COL16A1: variants seen among roughly 807,000 people sequenced by gnomAD.
COL16A1 encodes the protein collagen alpha-1(XVI) chain.
Under a neutral mutation model 266.3 loss-of-function variants are expected in COL16A1, and 189 were observed. The observed-to-expected ratio is 0.71, with a 90% CI of 0.63 to 0.80. The LOEUF (loss-of-function observed/expected upper bound fraction) is 0.80. Among genes scored for constraint, COL16A1 ranks in the 30% least tolerant of loss-of-function variants. COL16A1 has a pLI of 0.00. For synonymous variants in COL16A1, 740 were observed against 782.3 expected (o/e 0.95, Z 0.90); for missense variants, 1,928 against 2,122.4 (o/e 0.91, Z 1.80).
intron 44 of COL16A1, chr1:31,673,103 TG>T (rs1467575171): frequency 7.2e-5 from 39 of 539,526 alleles, no homozygotes. Flanking sequence ...GACAGGCATG[TG>T]GGTGGAGGCG....
In COL16A1 at chr1:31,670,914, G is replaced by T. The variant is rs1642622440; in HGVS notation, c.3151-268C>A. On this transcript the variant is annotated intron_variant, in intron 48 of 70. Coordinates refer to ENST00000373672, the MANE Select transcript of COL16A1 (RefSeq NM_001856.4). The surrounding 1 kb of genome is among the most constrained non-coding windows in gnomAD (Gnocchi z 4.5). Reference sequence around the variant, plus strand: ...CTGAGTCTTCCGGAGTCTAACTGAAGATCCGGTTGCAGCAGAAGCCCATTT... The same window carrying T: ...CTGAGTCTTCCGGAGTCTAACTGAATATCCGGTTGCAGCAGAAGCCCATTT... Among the ~76,000 whole-genome samples, 1 of 152,198 alleles carries T rather than the reference G, an allele frequency of 6.6e-6. No individual in the cohort carries two copies. The highest frequency in any genetic ancestry group is 2.1e-4 in the South Asian group (1 of 4,834).
intron 51 of COL16A1, 137 bp from the exon 52 acceptor site, chr1:31,667,765 C>A: frequency 1.1e-6 from 1 of 874,472 alleles, no homozygotes; most frequent in Non-Finnish European, 1.8e-6. Flanking sequence ...CTGGGTGCTC[C>A]AAAGCTGCCG....
intron 58 of COL16A1, among the ~76,000 whole-genome samples, chr1:31,661,976 A>G (rs1487170679): frequency 6.6e-6 from 1 of 152,054 alleles, no homozygotes. Flanking sequence ...TCCCCAGCAA[A>G]ACCCCAGGAG....
At chr1:31,679,301 C>T in intron 42 of COL16A1, 4 of 1,087,526 alleles carry the variant, frequency 3.7e-6, no homozygotes, top group Admixed American at 5.8e-5. Context: ...TGCAAAAACA[C>T]ATGTTGCATG....
chr1:31,692,149 T>G lies in COL16A1; in HGVS notation c.1195-82A>C. 5 of 1,593,904 alleles carry G rather than the reference T, an allele frequency of 3.1e-6. No homozygotes were observed. The South Asian group carries it at 3.3e-5, about 11-fold the overall frequency. On this transcript the variant is annotated intron_variant, in intron 16 of 70. Transcript: ENST00000373672. ...CAGCTCCATCTGGTGGAGGGACAAC[T>G]GCCTTCTAGACCCCTGGTCTCTGTC...
intron 59 of COL16A1, 54 bp downstream of exon 59, chr1:31,661,603 ACCC>A (rs1641671112): frequency 5.6e-6 from 9 of 1,612,016 alleles, no homozygotes; most frequent in Non-Finnish European, 5.9e-6. Context: ...TGTTGCAGCC[ACCC>A]AGGCAGAAGC....
chr1:31,692,213 TAGACAACAGACC>T, intron 16 of COL16A1, 146 bp from the exon 17 acceptor site: 1 of 1,315,398 alleles, frequency 7.6e-7, no homozygotes, highest in East Asian at 2.4e-5. Flanking sequence ...CACGGGAGGG[TAGACAACAGACC>T]AGACAACAGG....
intron 39 of COL16A1, among the ~76,000 whole-genome samples, chr1:31,680,493 C>A (rs765220251): frequency 6.6e-6 from 1 of 152,170 alleles, no homozygotes; most frequent in Admixed American, 6.5e-5. Flanking sequence ...GGCTTCCATG[C>A]CCTTCGCTCG....
chr1:31,662,124 C>T (rs1460342606), intron 58 of COL16A1, among the ~76,000 whole-genome samples: 1 of 152,218 alleles, frequency 6.6e-6, no homozygotes, highest in East Asian at 1.9e-4. Flanking sequence ...CTCGCCTAAC[C>T]TGCTTAAGGC....
chr1:31,693,223 C>A (rs760863722), intron 12 of COL16A1, 69 bp from the exon 13 acceptor site: 2 of 990,958 alleles, frequency 2.0e-6, no homozygotes, highest in Non-Finnish European at 1.6e-6. Flanking sequence ...AAGCTCTCCC[C>A]ACTTCTGGCC....
intron 11 of COL16A1, 37 bp downstream of exon 11, chr1:31,695,149 T>C: frequency 6.2e-7 from 1 of 1,611,900 alleles, no homozygotes; most frequent in Non-Finnish European, 8.5e-7. Context: ...CTCCCGGCTC[T>C]TGCCCGCTCC....
At position 31,685,027 on chromosome 1, in the gene COL16A1, T is replaced by C. The variant is rs1180963146; in HGVS notation, c.2017-171A>G. The stretch of plus-strand genomic sequence containing the variant: ...GAGCAAAGATTTGTGCCAGACTCTT[T>C]GCCTGGGTGACATGAGCAAATTAGC... On this transcript the variant is annotated intron_variant, in intron 29 of 70. Coordinates refer to ENST00000373672, the MANE Select transcript of COL16A1 (RefSeq NM_001856.4). This position sits in a 1 kb window ranked among gnomAD's most constrained non-coding sequence, Gnocchi z 4.0. Among the ~76,000 whole-genome samples the C allele has an allele frequency of 2.6e-5, 4 of 152,228 alleles. No individual in the cohort carries two copies. Among genetic ancestry groups the C allele is most frequent in the African/African-American group, 4.8e-5 (2 of 41,464 alleles).
Position 31,691,631 on chromosome 1 carries a change from T to C in COL16A1, c.1269A>G (p.Gly423=). 1 of 1,613,566 alleles carries C rather than the reference T, an allele frequency of 6.2e-7. No homozygotes were observed. Among genetic ancestry groups the C allele is most frequent in the African/African-American group, 1.3e-5 (1 of 75,004 alleles). Reference sequence around the variant, plus strand: ...CTTTGGGCCCAATGACACAGATCTCTCCTGGCCGGCCCTGTGGGGGGATAA... The same window carrying C: ...CTTTGGGCCCAATGACACAGATCTCCCCTGGCCGGCCCTGTGGGGGGATAA... ...PGKPGRDGRP[G]EICVIGPKGQ... The change falls in exon 18 of 71, where the codon GGA becomes GGG. Residue 423 remains glycine, a synonymous_variant. Transcript: ENST00000373672.
At chr1:31,682,318 T>C (rs1168325889) in intron 37 of COL16A1, among the ~76,000 whole-genome samples, 1 of 152,236 alleles carries the variant, frequency 6.6e-6, no homozygotes, top group East Asian at 1.9e-4. Context: ...CCAATTATAC[T>C]GGAAGTAGTT....
rs879791412 is a variant in COL16A1, at chr1:31,664,237, G to C, written c.3555+935C>G. On this transcript the variant is annotated intron_variant, in intron 56 of 70. Coordinates refer to ENST00000373672, the MANE Select transcript of COL16A1 (RefSeq NM_001856.4). The surrounding 1 kb of genome is among the most constrained non-coding windows in gnomAD (Gnocchi z 5.5). The stretch of plus-strand genomic sequence containing the variant: ...CCACTGTCCCAAGCATGGCTGATCA[G>C]CATGGGCTCTGGGGAGGTAGTGAGG... 4.6e-5 allele frequency among the ~76,000 whole-genome samples: 7 copies of C among 152,190 alleles called. No individual in the cohort carries two copies. Among genetic ancestry groups the C allele is most frequent in the Non-Finnish European group, 7.4e-5 (5 of 68,026 alleles).
chr1:31,665,828 A>G, intron 54 of COL16A1, 54 bp downstream of exon 54: 1 of 1,612,040 alleles, frequency 6.2e-7, no homozygotes, highest in Admixed American at 1.7e-5. Flanking sequence ...GGTGATCACC[A>G]GGGACCCAGC....
At chr1:31,653,256 G>A (rs1260847843) in intron 70 of COL16A1, among the ~76,000 whole-genome samples, 2 of 152,186 alleles carry the variant, frequency 1.3e-5, no homozygotes, top group East Asian at 1.9e-4. Context: ...AACATTCATC[G>A]TAGAGAGCAC....
rs1644125298 is a variant in COL16A1, at chr1:31,688,969, C to T, written c.1659G>A (p.Gly553=). The change falls in exon 25 of 71, where the codon GGG becomes GGA. Residue 553 remains glycine (G), a splice_region_variant and synonymous_variant. Coordinates refer to ENST00000373672, the MANE Select transcript of COL16A1 (RefSeq NM_001856.4). This position sits in a 1 kb window ranked among gnomAD's most constrained non-coding sequence, Gnocchi z 4.9. The part of the protein sequence containing the change: ...PGIQGIKGEK[G]EPCLSCSSVV... ...CCGAGCTGCAGGACAAGCAGGGCTC[C>T]CCCTGGGGAAAGAAGAGGAAGGATC... 1 of 1,613,982 alleles carries T rather than the reference C, an allele frequency of 6.2e-7. No homozygotes were observed. The highest frequency in any genetic ancestry group is 1.7e-5 in the Admixed American group (1 of 60,006).
chr1:31,660,751 G>A (rs1641584747), intron 61 of COL16A1, 113 bp from the exon 62 acceptor site: 2 of 1,463,676 alleles, frequency 1.4e-6, no homozygotes, highest in African/African-American at 2.8e-5. Flanking sequence ...ATGGCCAAAG[G>A]AGCTGGGCCA....
Sources: allele counts gnomAD v4.1 joint callset (sites outside exome capture counted in the v4.1 genomes callset), GRCh38; gene constraint gnomAD v4.1.1; non-coding constraint Gnocchi (gnomAD v3.1); transcripts MANE v1.5; gene names NCBI Gene and HGNC (gene_info 2026-07-23, HGNC 2026-07-21).